The following MROH2B variants were observed in gnomAD, a reference collection of about 807,000 sequenced individuals.
MROH2B encodes maestro heat like repeat family member 2B.
MROH2B carries 177 observed loss-of-function variants against 208.6 expected under a neutral mutation model. The ratio of observed to expected loss-of-function variants is 0.85; its 90% CI spans 0.75 to 0.96. The LOEUF is 0.96. MROH2B is among the 40% of genes least tolerant of loss of function. MROH2B has a pLI of 0.00. For missense variants in MROH2B, 2,002 were observed against 1,878.7 expected, an observed-to-expected ratio of 1.07 and a Z score of -1.21; for synonymous variants, 728 against 659.0, an observed-to-expected ratio of 1.10 and a Z score of -1.60.
intron 18 of MROH2B, among the ~76,000 whole-genome samples, chr5:41,042,444 C>G (rs1188675558): frequency 6.6e-6 from 1 of 152,084 alleles, no homozygotes; most frequent in East Asian, 1.9e-4. Flanking sequence ...ATACTTCACC[C>G]CCCATTGTAA....
intron 12 of MROH2B, 105 bp from the exon 13 acceptor site, chr5:41,051,195 C>T (rs1283988670): frequency 3.4e-6 from 2 of 588,874 alleles, no homozygotes; most frequent in Non-Finnish European, 5.3e-6. Flanking sequence ...GATGTAGTCA[C>T]TCAACTTAAG....
At position 41,004,601 on chromosome 5, in the gene MROH2B, A is replaced by G. The variant is rs7712229; in HGVS notation, c.4012-73T>C. 5.6e-4 allele frequency: 855 copies of G among 1,519,726 alleles called. 8 individuals carry two copies. In the African/African-American group the frequency reaches 0.011, roughly 19 times the overall value. 94.1% of individuals were successfully genotyped at this position (1,519,726 alleles called of 1,614,324 possible). A position where few individuals can be genotyped will look rare whatever the true frequency, so the allele number is the denominator to read the frequency against. ...TCTGGAAGAGGGTAGGAGTCCTCAG[A>G]CAAGAGGACTGAAATTTTGTCAGGG... On this transcript the variant is annotated intron_variant, in intron 36 of 41. Transcript: ENST00000399564.
At chr5:41,065,681 C>T (rs1015367077) in intron 3 of MROH2B, among the ~76,000 whole-genome samples, 191 bp from the exon 4 acceptor site, 1 of 152,078 alleles carries the variant, frequency 6.6e-6, no homozygotes, top group African/African-American at 2.4e-5. Flanking sequence ...CTAGTGAACC[C>T]TCACCATTCC....
At chr5:41,039,151 A>G (rs1045342102) in intron 20 of MROH2B, among the ~76,000 whole-genome samples, 27 of 152,164 alleles carry the variant, frequency 1.8e-4, no homozygotes, top group Non-Finnish European at 2.1e-4. Flanking sequence ...TCCTTCAGGG[A>G]AAGCAGAGTA....
intron 24 of MROH2B, among the ~76,000 whole-genome samples, chr5:41,022,915 T>G (rs2111892327): frequency 6.7e-6 from 1 of 149,908 alleles, no homozygotes; most frequent in South Asian, 2.1e-4. Context: ...CCTCCGCTGC[T>G]GATAACCAGG....
rs1741626307 is a variant in MROH2B at position 41,007,309 on chromosome 5, A to G, written c.3749+5T>C. 1.5e-6 allele frequency: 2 copies of G among 1,373,244 alleles called. No individual in the cohort carries two copies. Among genetic ancestry groups the G allele is most frequent in the Non-Finnish European group, 9.5e-7 (1 of 1,053,478 alleles). 85.1% of individuals were successfully genotyped at this position (1,373,244 alleles called of 1,614,324 possible). A position where few individuals can be genotyped will look rare whatever the true frequency, so the allele number is the denominator to read the frequency against. ...GTATCTGGTTCTAGAAAAAGTGCAC[A>G]TTACCTGGCCAGTGAACATACGCCT... On this transcript the variant is annotated splice_donor_5th_base_variant and intron_variant, in intron 34 of 41. Coordinates refer to ENST00000399564, the MANE Select transcript of MROH2B (RefSeq NM_173489.5).
chr5:41,022,090 G>A (rs1742169840), intron 24 of MROH2B, among the ~76,000 whole-genome samples: 1 of 152,158 alleles, frequency 6.6e-6, no homozygotes, highest in South Asian at 2.1e-4. Context: ...TGGCCGAATA[G>A]GAACAGCTCC....
chr5:41,018,524 C>T (rs924957159), intron 26 of MROH2B, 94 bp from the exon 27 acceptor site: 18 of 1,461,752 alleles, frequency 1.2e-5, no homozygotes, highest in East Asian at 7.2e-5. Context: ...TTTTGTAACA[C>T]GGTGCTCACC....
chr5:41,038,719 C>T lies in MROH2B; in HGVS notation c.2214+17G>A. 6.3e-7 allele frequency: 1 copy of T among 1,586,508 alleles called. No individual in the cohort carries two copies. The highest frequency in any genetic ancestry group is 8.6e-7 in the Non-Finnish European group (1 of 1,163,620). On this transcript the variant is annotated intron_variant, in intron 21 of 41. Coordinates refer to ENST00000399564, the MANE Select transcript of MROH2B (RefSeq NM_173489.5). Reference sequence around the variant, plus strand: ...ACCCCAGCCTAGAAATGGAGGCAGCCATGCAACGGGCATTACCTGAGAGCA... The same window carrying T: ...ACCCCAGCCTAGAAATGGAGGCAGCTATGCAACGGGCATTACCTGAGAGCA...
Position 41,004,385 on chromosome 5 carries a change from G to C in MROH2B, c.4155C>G (p.Phe1385Leu). The C allele has an allele frequency of 1.2e-6, 2 of 1,613,886 alleles. No individual in the cohort carries two copies. The highest frequency in any genetic ancestry group is 8.5e-7 in the Non-Finnish European group (1 of 1,179,850). ...LLTDRDVSFYFKEIVLQTRTF... is the reference protein window; with the variant it reads ...LLTDRDVSFYLKEIVLQTRTF... Reference sequence around the variant, plus strand: ...TCCTTGTTTGCAGCACTATTTCCTTGAAGTAGAAGCTCACGTCTCGGTCTG... The same window carrying C: ...TCCTTGTTTGCAGCACTATTTCCTTCAAGTAGAAGCTCACGTCTCGGTCTG... The change falls in exon 37 of 42, where the codon TTC becomes TTG. Residue 1385 changes from phenylalanine to leucine, a missense_variant. Physicochemically the swap from Phe to Leu is conservative, Grantham distance 22. Coordinates refer to ENST00000399564, the MANE Select transcript of MROH2B (RefSeq NM_173489.5).
intron 34 of MROH2B, among the ~76,000 whole-genome samples, chr5:41,006,032 C>CAAAAAAAAA (rs5867531): frequency 3.5e-4 from 45 of 129,884 alleles, no homozygotes; most frequent in African/African-American, 1.3e-3. Context: ...ATTCTGTCTC[C>CAAAAAAAAA]AAAAAAAAAA....
chr5:41,026,124 A>T (rs961467286), intron 24 of MROH2B, among the ~76,000 whole-genome samples: 7 of 152,204 alleles, frequency 4.6e-5, no homozygotes, highest in Non-Finnish European at 8.8e-5. Context: ...GAAAAGTGGC[A>T]CAAGACAGGG....
rs143604099 is a variant in MROH2B at position 41,046,939 on chromosome 5, T to G, written c.1728+782A>C. On this transcript the variant is annotated intron_variant, in intron 17 of 41. Coordinates refer to ENST00000399564, the MANE Select transcript of MROH2B (RefSeq NM_173489.5). ...GATGGAAACCTTTAAAACATGCCAG[T>G]TCTCAGGTACCACCCCCAGAGATTC... Among the ~76,000 whole-genome samples, 85 of 152,220 alleles carry G rather than the reference T, an allele frequency of 5.6e-4. No individual in the cohort carries two copies. The East Asian group carries it at 0.015, about 27-fold the overall frequency.
intron 15 of MROH2B, 66 bp downstream of exon 15, chr5:41,049,035 A>G: frequency 6.8e-7 from 1 of 1,462,496 alleles, no homozygotes; most frequent in South Asian, 1.2e-5. Flanking sequence ...ATTAGCACTT[A>G]TTTGGAACTG....
At chr5:41,021,150 T>G (rs1742134452) in intron 24 of MROH2B, among the ~76,000 whole-genome samples, 1 of 152,196 alleles carries the variant, frequency 6.6e-6, no homozygotes, top group African/African-American at 2.4e-5. Flanking sequence ...ATACAACTGA[T>G]TTGTTAAGAA....
chr5:41,052,405 C>T (rs531740991), intron 12 of MROH2B, 60 bp downstream of exon 12: 56 of 1,441,306 alleles, frequency 3.9e-5, no homozygotes, highest in South Asian at 3.5e-4. Flanking sequence ...TAAAAAGAAA[C>T]ATAGTTGAGC....
Position 41,005,634 on chromosome 5 carries a change from A to G in MROH2B, c.3761T>C (p.Val1254Ala). The G allele has an allele frequency of 6.2e-7, 1 of 1,610,642 alleles. No homozygotes were observed. The highest frequency in any genetic ancestry group is 8.5e-7 in the Non-Finnish European group (1 of 1,178,294). ...GTCCAGTATGACTCCGTGTTGCCAC[A>G]CTGCCATGCTCCTAGAAAATGCACA... is the stretch of plus-strand genomic sequence containing the variant. Reference protein sequence around the residue: ...GVCSLARSMAVWQHGVILDIM... With the variant: ...GVCSLARSMAAWQHGVILDIM... The change falls in exon 35 of 42, where the codon GTG (valine) becomes GCG (alanine). Residue 1254 changes from valine (V) to alanine (A), a missense_variant. By Grantham distance (64) the Val-to-Ala change is moderately conservative. Transcript: ENST00000399564.
intron 35 of MROH2B, 94 bp downstream of exon 35, chr5:41,005,437 C>A: frequency 4.3e-6 from 1 of 234,530 alleles, no homozygotes. Context: ...TGAAGTCTCT[C>A]TTCCCTGGTT....
intron 36 of MROH2B, 103 bp downstream of exon 36, chr5:41,004,671 T>G (rs751921938): frequency 1.2e-5 from 18 of 1,533,192 alleles, no homozygotes; most frequent in Non-Finnish European, 1.6e-5. Context: ...GCAATGTATC[T>G]GGATTTCCAA....
Sources: gnomAD v4.1 joint callset for allele counts (sites outside exome capture counted in the v4.1 genomes callset) on GRCh38, gnomAD v4.1.1 for gene constraint, MANE v1.5 for transcripts, NCBI Gene and HGNC (gene_info 2026-07-23, HGNC 2026-07-21) for gene names.